Variants in ZFPM2 observed in about 807,000 individuals in gnomAD.
The protein encoded by ZFPM2 is zinc finger protein ZFPM2.
ZFPM2 carries 20 observed loss-of-function variants against 98.6 expected under a neutral mutation model. The observed-to-expected ratio is 0.20, with a 90% CI of 0.14 to 0.29. The LOEUF (loss-of-function observed/expected upper bound fraction) is 0.29. Ranked by LOEUF, ZFPM2 falls within the 10% of genes least tolerant of loss-of-function variation. The pLI is 1.00. For synonymous variants in ZFPM2, 518 were observed against 502.7 expected, an observed-to-expected ratio of 1.03 and a Z score of -0.41; for missense variants, 1,310 against 1,388.6, an observed-to-expected ratio of 0.94 and a Z score of 0.90.
intron 4 of ZFPM2, among the ~76,000 whole-genome samples, chr8:105,590,681 T>G (rs1815821793): frequency 6.6e-6 from 1 of 152,180 alleles, no homozygotes; most frequent in South Asian, 2.1e-4. Flanking sequence ...ACTGAAGAAT[T>G]TCATGTAACA....
At chr8:105,767,242 T>C (rs566762107) in intron 5 of ZFPM2, among the ~76,000 whole-genome samples, 62 of 151,942 alleles carry the variant, frequency 4.1e-4, no homozygotes, top group Non-Finnish European at 6.6e-4. Context: ...CTTTAAAAAT[T>C]ATTAAATGAG....
chr8:105,696,117 C>T (rs1811011714), intron 5 of ZFPM2, among the ~76,000 whole-genome samples: 1 of 152,150 alleles, frequency 6.6e-6, no homozygotes, highest in Non-Finnish European at 1.5e-5. Flanking sequence ...CATGGATCTA[C>T]CTTATTTTGA....
At chr8:105,705,513 A>C (rs576052988) in intron 5 of ZFPM2, among the ~76,000 whole-genome samples, 1 of 152,190 alleles carries the variant, frequency 6.6e-6, no homozygotes, top group East Asian at 1.9e-4. Flanking sequence ...AATTGGGACA[A>C]ATAAGTAGTA....
At chr8:105,651,489 T>G (rs1817174988) in intron 5 of ZFPM2, among the ~76,000 whole-genome samples, 1 of 150,808 alleles carries the variant, frequency 6.6e-6, no homozygotes, top group African/African-American at 2.4e-5. Context: ...AAATCCCACC[T>G]GTCCCTTGCT....
At chr8:105,670,445 G>A (rs531927583) in intron 5 of ZFPM2, among the ~76,000 whole-genome samples, 4 of 136,068 alleles carry the variant, frequency 2.9e-5, no homozygotes, top group African/African-American at 8.6e-5. Flanking sequence ...GCAGTGAGCC[G>A]AGATCGTGCC....
At chr8:105,450,100 T>G (rs538961954) in intron 3 of ZFPM2, among the ~76,000 whole-genome samples, 22 of 152,236 alleles carry the variant, frequency 1.4e-4, no homozygotes, top group Admixed American at 1.2e-3. Context: ...TGTTGCATCT[T>G]GACTAAAAAT....
intron 1 of ZFPM2, among the ~76,000 whole-genome samples, chr8:105,402,335 G>A (rs538218607): frequency 6.6e-6 from 1 of 151,862 alleles, no homozygotes; most frequent in Non-Finnish European, 1.5e-5. Context: ...TTTTATTTTA[G>A]TGTTCCTAAT....
intron 3 of ZFPM2, among the ~76,000 whole-genome samples, chr8:105,517,707 C>CACCCCACACACACACACACACA (rs61552974): frequency 8.0e-6 from 1 of 124,890 alleles, no homozygotes; most frequent in East Asian, 2.4e-4. Flanking sequence ...CACACACACA[C>CACCCCACACACACACACACACA]CACACACACA....
At chr8:105,341,874 C>T (rs541971860) in intron 1 of ZFPM2, among the ~76,000 whole-genome samples, 2 of 151,990 alleles carry the variant, frequency 1.3e-5, no homozygotes, top group Non-Finnish European at 2.9e-5. Context: ...TAGTTTTGTA[C>T]TCCAAGCTAA....
At chr8:105,763,272 AT>A (rs1398008528) in intron 5 of ZFPM2, among the ~76,000 whole-genome samples, 2 of 151,848 alleles carry the variant, frequency 1.3e-5, no homozygotes, top group Non-Finnish European at 2.9e-5. Context: ...TTATTCCAAA[AT>A]TGCAGCGGAC....
At chr8:105,758,442 A>G (rs953352399) in intron 5 of ZFPM2, among the ~76,000 whole-genome samples, 3 of 152,164 alleles carry the variant, frequency 2.0e-5, no homozygotes, top group African/African-American at 7.2e-5. Flanking sequence ...GTTGTGCCAT[A>G]TCTCAAGTTA....
intron 1 of ZFPM2, among the ~76,000 whole-genome samples, chr8:105,416,129 G>T (rs1261386970): frequency 6.6e-6 from 1 of 151,454 alleles, no homozygotes; most frequent in Admixed American, 6.6e-5. Flanking sequence ...ATAAATAAAA[G>T]ATTATGTATA....
chr8:105,718,696 T>A (rs1811584491), intron 5 of ZFPM2, among the ~76,000 whole-genome samples: 1 of 151,940 alleles, frequency 6.6e-6, no homozygotes. Context: ...TGTTCTGCTT[T>A]GTCCCTGCCC....
intron 3 of ZFPM2, among the ~76,000 whole-genome samples, chr8:105,473,905 A>G (rs980297203): frequency 6.6e-6 from 1 of 152,242 alleles, no homozygotes; most frequent in African/African-American, 2.4e-5. Flanking sequence ...CTAGTTTTCA[A>G]TAGTGGGGAG....
At chr8:105,521,281 T>C (rs1814053756) in intron 3 of ZFPM2, among the ~76,000 whole-genome samples, 1 of 150,988 alleles carries the variant, frequency 6.6e-6, no homozygotes, top group African/African-American at 2.4e-5. Context: ...GGAAAGTAAA[T>C]AGAACTGTAC....
Position 105,803,667 on chromosome 8 carries a change from G to T in ZFPM2, c.*129G>T. 2 of 890,492 alleles carry T rather than the reference G, an allele frequency of 2.2e-6. No individual in the cohort carries two copies. Among genetic ancestry groups the T allele is most frequent in the Non-Finnish European group, 3.4e-6 (2 of 584,488 alleles). 55.2% of individuals were successfully genotyped at this position (890,492 alleles called of 1,614,324 possible). ...GATAATTCATTATGGCTGAGTTGAAGACTTAAGGTGTAATTTCATTACAGT... is the reference window on the plus strand; with the variant it reads ...GATAATTCATTATGGCTGAGTTGAATACTTAAGGTGTAATTTCATTACAGT... On this transcript the variant is annotated 3_prime_UTR_variant, in exon 8 of 8. Transcript: ENST00000407775.
intron 4 of ZFPM2, among the ~76,000 whole-genome samples, chr8:105,593,851 C>T (rs958393956): frequency 9.9e-5 from 15 of 151,880 alleles, no homozygotes; most frequent in East Asian, 3.9e-4. Flanking sequence ...GAAAGATGAG[C>T]GGCTGTCAGT....
At chr8:105,487,817 T>G (rs937570904) in intron 3 of ZFPM2, among the ~76,000 whole-genome samples, 6 of 152,202 alleles carry the variant, frequency 3.9e-5, no homozygotes, top group African/African-American at 1.4e-4. Context: ...ATTAAGTAAT[T>G]ATTTGGCACT....
chr8:105,496,291 C>T (rs943081351), intron 3 of ZFPM2, among the ~76,000 whole-genome samples: 1 of 152,078 alleles, frequency 6.6e-6, no homozygotes, highest in African/African-American at 2.4e-5. Context: ...GGATTATGGG[C>T]CTGAACCACC....
Sources: allele counts gnomAD v4.1 joint callset (sites outside exome capture counted in the v4.1 genomes callset), GRCh38; gene constraint gnomAD v4.1.1; transcripts MANE v1.5; gene names NCBI Gene and HGNC (gene_info 2026-07-23, HGNC 2026-07-21).